Variants in ZNF438 observed in about 807,000 individuals in gnomAD.
ZNF438 encodes the protein zinc finger protein 438.
Under a neutral mutation model 38.0 loss-of-function variants are expected in ZNF438, and 25 were observed. The observed-to-expected ratio is 0.66, with a 90% CI of 0.48 to 0.92. The LOEUF (loss-of-function observed/expected upper bound fraction) is 0.92. Among genes scored for constraint, ZNF438 ranks in the 40% least tolerant of loss-of-function variants. The pLI, the probability that ZNF438 is intolerant of heterozygous loss-of-function variation, is 0.00. For missense variants in ZNF438, 1,007 were observed against 999.6 expected, an observed-to-expected ratio of 1.01 and a Z score of -0.10; for synonymous variants, 372 against 364.1, an observed-to-expected ratio of 1.02 and a Z score of -0.25.
intron 3 of ZNF438, among the ~76,000 whole-genome samples, chr10:30,889,072 T>A (rs141847173): frequency 6.6e-6 from 1 of 152,182 alleles, no homozygotes; most frequent in South Asian, 2.1e-4. Context: ...TAATATCTAA[T>A]AGAAGCTAAT....
chr10:30,872,651 G>A (rs1475407715), intron 4 of ZNF438, among the ~76,000 whole-genome samples: 1 of 147,960 alleles, frequency 6.8e-6, no homozygotes, highest in Non-Finnish European at 1.5e-5. Context: ...TTGGGAGGCT[G>A]AGGCAGGAGA....
chr10:31,002,551 G>A (rs1230053742), intron 1 of ZNF438, among the ~76,000 whole-genome samples: 2 of 151,828 alleles, frequency 1.3e-5, no homozygotes, highest in African/African-American at 2.4e-5. Context: ...TCAAAAATAC[G>A]ATTAAAAAAT....
intron 1 of ZNF438, among the ~76,000 whole-genome samples, chr10:30,950,166 T>C (rs1324134123): frequency 6.7e-6 from 1 of 149,736 alleles, no homozygotes; most frequent in Non-Finnish European, 1.5e-5. Flanking sequence ...CATAACGAAA[T>C]GAAGGCAGAA....
intron 5 of ZNF438, among the ~76,000 whole-genome samples, chr10:30,845,899 C>G (rs1029386491): frequency 3.3e-5 from 5 of 152,184 alleles, no homozygotes; most frequent in African/African-American, 1.2e-4. Context: ...CGTAAGAGCG[C>G]GTGAAGGGCA....
intron 4 of ZNF438, chr10:30,857,630 T>C (rs1315114270): frequency 1.5e-6 from 2 of 1,357,774 alleles, no homozygotes; most frequent in South Asian, 2.7e-5. Context: ...AGAAAATTAA[T>C]AGTCATTTGA....
intron 1 of ZNF438, among the ~76,000 whole-genome samples, chr10:30,944,462 G>A: frequency 6.6e-6 from 1 of 152,174 alleles, no homozygotes; most frequent in Non-Finnish European, 1.5e-5. Context: ...CAACAGGGAT[G>A]TAAAGTAAAT....
chr10:30,893,979 A>G (rs7084305), intron 3 of ZNF438, among the ~76,000 whole-genome samples: 1 of 151,960 alleles, frequency 6.6e-6, no homozygotes, highest in Non-Finnish European at 1.5e-5. Flanking sequence ...TTGTTAATGA[A>G]TAAAACCACT....
At chr10:30,972,921 G>C (rs2050901796) in intron 1 of ZNF438, among the ~76,000 whole-genome samples, 1 of 152,144 alleles carries the variant, frequency 6.6e-6, no homozygotes, top group Non-Finnish European at 1.5e-5. Flanking sequence ...TAAAATTCTA[G>C]ATATAATTTG....
intron 3 of ZNF438, among the ~76,000 whole-genome samples, chr10:30,892,228 CTA>C (rs55880701): frequency 0.35 from 52,978 of 151,820 alleles, 10,758 homozygotes; most frequent in African/African-American, 0.56. Flanking sequence ...GTACGAAACC[CTA>C]TATATACTGT....
At chr10:31,026,108 AC>A (rs1461775368) in intron 1 of ZNF438, among the ~76,000 whole-genome samples, 1 of 152,212 alleles carries the variant, frequency 6.6e-6, no homozygotes, top group Non-Finnish European at 1.5e-5. Context: ...TTAAAGACTT[AC>A]ATGTTAGACC....
rs112603311 is a variant in ZNF438, at chr10:30,958,587, A to G, written c.-191-16936T>C. Among the ~76,000 whole-genome samples, 28 of 147,144 alleles carry G rather than the reference A, an allele frequency of 1.9e-4. 2 individuals carry two copies. Among genetic ancestry groups the G allele is most frequent in the African/African-American group, 5.8e-4 (24 of 41,212 alleles). The stretch of plus-strand genomic sequence containing the variant: ...TATGCCATAAAATTAATCATTGTCC[A>G]TTGAACAGGGGACAGTTCAATGACG... On this transcript the variant is annotated intron_variant, in intron 1 of 5. Transcript: ENST00000413025.
chr10:30,966,101 G>A (rs769817761), intron 1 of ZNF438, among the ~76,000 whole-genome samples: 1 of 152,138 alleles, frequency 6.6e-6, no homozygotes, highest in Non-Finnish European at 1.5e-5. Context: ...GGAGGCCAAG[G>A]TGGGAGGATC....
chr10:30,963,293 G>A (rs1589447697), intron 1 of ZNF438, among the ~76,000 whole-genome samples: 1 of 150,626 alleles, frequency 6.6e-6, no homozygotes, highest in East Asian at 2.0e-4. Flanking sequence ...TCAGGAGGCT[G>A]AGGCAGGAGA....
rs983739349 is a variant in ZNF438 at position 30,958,490 on chromosome 10, TATA to T, written c.-191-16842_-191-16840del. On this transcript the variant is annotated intron_variant, in intron 1 of 5. Coordinates refer to ENST00000413025, the Ensembl canonical transcript of ZNF438. ...GCAAAATATAGGAGCTTTTATAAGA[TATA>T]ATGTGTGTCCCATCCTTACTCCATT... 2.2e-4 allele frequency among the ~76,000 whole-genome samples: 33 copies of T among 147,056 alleles called. 2 individuals are homozygous for T. Among genetic ancestry groups the T allele is most frequent in the African/African-American group, 7.8e-4 (32 of 41,126 alleles).
intron 2 of ZNF438, among the ~76,000 whole-genome samples, chr10:30,933,400 A>G (rs1589267550): frequency 1.3e-5 from 2 of 152,350 alleles, no homozygotes; most frequent in East Asian, 3.9e-4. Context: ...AAATTATTTA[A>G]CAACAAATTA....
At chr10:30,868,489 T>C (rs1317933482) in intron 4 of ZNF438, among the ~76,000 whole-genome samples, 1 of 152,232 alleles carries the variant, frequency 6.6e-6, no homozygotes, top group Non-Finnish European at 1.5e-5. Flanking sequence ...ATTCTATAAA[T>C]GTTTTTAGGA....
chr10:31,007,911 T>G (rs1004967045), intron 1 of ZNF438, among the ~76,000 whole-genome samples: 1 of 152,136 alleles, frequency 6.6e-6, no homozygotes, highest in Admixed American at 6.5e-5. Context: ...TAAAGCAAAA[T>G]GAGGGGGGAC....
chr10:31,004,240 C>G (rs1192122003), intron 1 of ZNF438, among the ~76,000 whole-genome samples: 1 of 152,118 alleles, frequency 6.6e-6, no homozygotes, highest in Non-Finnish European at 1.5e-5. Flanking sequence ...CCCAAAATGT[C>G]AATAGTGCTG....
chr10:30,958,496 G>A (rs2049114301), intron 1 of ZNF438, among the ~76,000 whole-genome samples: 1 of 146,836 alleles, frequency 6.8e-6, no homozygotes, highest in Non-Finnish European at 1.5e-5. Context: ...AAGATATAAT[G>A]TGTGTCCCAT....
Sources: gnomAD v4.1 joint callset for allele counts (sites outside exome capture counted in the v4.1 genomes callset) on GRCh38, gnomAD v4.1.1 for gene constraint, MANE v1.5 for transcripts, NCBI Gene and HGNC (gene_info 2026-07-23, HGNC 2026-07-21) for gene names.